The following PKD1L3 variants were observed in gnomAD, a reference collection of about 807,000 sequenced individuals.
PKD1L3 encodes polycystin-1-like protein 3.
Under a neutral mutation model 184.1 loss-of-function variants are expected in PKD1L3, and 239 were observed. The observed-to-expected ratio is 1.30, with a 90% CI of 1.17 to 1.45. The LOEUF (loss-of-function observed/expected upper bound fraction) is 1.45. Ranked by LOEUF, PKD1L3 falls within the 40% of genes most tolerant of loss-of-function variation. PKD1L3 has a pLI of 0.00. For synonymous variants in PKD1L3, 996 were observed against 778.8 expected (o/e 1.28, Z -4.64); for missense variants, 2,660 against 2,067.2 (o/e 1.29, Z -5.56).
intron 2 of PKD1L3, among the ~76,000 whole-genome samples, chr16:71,998,053 A>T (rs1013320644): frequency 1.3e-5 from 2 of 152,232 alleles, no homozygotes; most frequent in African/African-American, 4.8e-5. Context: ...CGAGGAGGAC[A>T]TCAAGGCACA....
intron 16 of PKD1L3, among the ~76,000 whole-genome samples, chr16:71,958,386 C>CAA (rs35815882): frequency 0.017 from 1,790 of 105,410 alleles, 45 homozygotes; most frequent in African/African-American, 0.055. Context: ...GACTCCGTCT[C>CAA]AAAAAAAAAA....
intron 7 of PKD1L3, among the ~76,000 whole-genome samples, chr16:71,981,833 G>A (rs914796437): frequency 9.9e-5 from 15 of 152,016 alleles, no homozygotes; most frequent in African/African-American, 3.6e-4. Flanking sequence ...GAGCCACCGG[G>A]TCCAGCCCCT....
chr16:71,954,533 G>T (rs1480994655), intron 16 of PKD1L3, among the ~76,000 whole-genome samples: 1 of 152,150 alleles, frequency 6.6e-6, no homozygotes. Context: ...AAAGGTTGTT[G>T]AGGATAATTT....
At chr16:71,983,938 C>A in intron 6 of PKD1L3, 98 bp downstream of exon 6, 1 of 1,446,830 alleles carries the variant, frequency 6.9e-7, no homozygotes, top group Non-Finnish European at 9.3e-7. Context: ...GCTGGGATTA[C>A]AGGCGTGAGC....
chr16:71,936,216 T>A (rs549612751), intron 25 of PKD1L3, among the ~76,000 whole-genome samples: 1 of 151,514 alleles, frequency 6.6e-6, no homozygotes, highest in South Asian at 2.1e-4. Flanking sequence ...TTTCTTTTTT[T>A]TTTTTTGAGA....
chr16:71,998,728 G>A (rs1276259578), intron 1 of PKD1L3, among the ~76,000 whole-genome samples: 1 of 152,186 alleles, frequency 6.6e-6, no homozygotes, highest in Admixed American at 6.5e-5. Flanking sequence ...TAGGATTACA[G>A]GCGTGAGCCA....
intron 16 of PKD1L3, among the ~76,000 whole-genome samples, chr16:71,962,877 AG>A (rs1431027111): frequency 6.6e-6 from 1 of 152,158 alleles, no homozygotes; most frequent in African/African-American, 2.4e-5. Flanking sequence ...GTATCATCGA[AG>A]TAGTGGTATC....
chr16:71,939,811 T>C (rs1046241935), intron 24 of PKD1L3, among the ~76,000 whole-genome samples: 7 of 152,156 alleles, frequency 4.6e-5, no homozygotes, highest in Non-Finnish European at 8.8e-5. Flanking sequence ...GGGAACTGAA[T>C]GGACCAGTTT....
At chr16:71,930,975 T>A (rs978316648) in intron 28 of PKD1L3, 1 of 152,228 alleles carries the variant, frequency 6.6e-6, no homozygotes, top group Non-Finnish European at 1.5e-5. Flanking sequence ...AAATGATTAT[T>A]ATAACAATTT....
chr16:71,995,388 A>G (rs573498488), intron 2 of PKD1L3, among the ~76,000 whole-genome samples: 1 of 152,310 alleles, frequency 6.6e-6, no homozygotes, highest in South Asian at 2.1e-4. Flanking sequence ...GCCAAACTAT[A>G]AAACCAGGTA....
At chr16:71,977,603 G>A (rs1400820198) in intron 10 of PKD1L3, 136 bp from the exon 11 acceptor site, 1 of 661,124 alleles carries the variant, frequency 1.5e-6, no homozygotes, top group Non-Finnish European at 2.5e-6. Context: ...TGCTATGTTG[G>A]CCACGTTGGT....
chr16:71,951,747 G>A lies in PKD1L3; in HGVS notation c.3010-3C>T. 6.5e-7 allele frequency: 1 copy of A among 1,549,100 alleles called. No individual in the cohort carries two copies. The highest frequency in any genetic ancestry group is 8.7e-7 in the Non-Finnish European group (1 of 1,145,838). ...AATCTCACAGTTTCCTTTAATTCCT[G>A]AATGTAGGACCAGATGAGAAAAATC... On this transcript the variant is annotated splice_polypyrimidine_tract_variant and splice_region_variant and intron_variant, in intron 18 of 29. Coordinates refer to ENST00000620267, the MANE Select transcript of PKD1L3 (RefSeq NM_181536.2).
At chr16:71,968,927 T>A (rs943548261) in intron 13 of PKD1L3, among the ~76,000 whole-genome samples, 4 of 146,948 alleles carry the variant, frequency 2.7e-5, no homozygotes, top group Admixed American at 6.9e-5. Flanking sequence ...GATTTACATA[T>A]AACTTTTTTT....
intron 1 of PKD1L3, among the ~76,000 whole-genome samples, chr16:71,999,446 A>G (rs16973590): frequency 0.042 from 6,358 of 152,194 alleles, 417 homozygotes; most frequent in African/African-American, 0.15. Context: ...CTTTTAGTGA[A>G]AGGTCAGGTA....
Position 71,950,311 on chromosome 16 carries a change from C to A in PKD1L3, c.3191-1G>T. The stretch of plus-strand genomic sequence containing the variant: ...AAATGATGGTGGTTTTCAGGAACAA[C>A]TGAAAATATATTTCAAGTTGACACT... On this transcript the variant is annotated splice_acceptor_variant, in intron 19 of 29. Transcript: ENST00000620267. LOFTEE classifies it high-confidence loss of function. 3 of 1,513,932 alleles carry A rather than the reference C, an allele frequency of 2.0e-6. No homozygotes were observed. The highest frequency in any genetic ancestry group is 2.3e-5 in the Admixed American group (1 of 44,010). 93.8% of individuals were successfully genotyped at this position (1,513,932 alleles called of 1,614,324 possible). A position where few individuals can be genotyped will look rare whatever the true frequency, so the allele number is the denominator to read the frequency against.
intron 16 of PKD1L3, among the ~76,000 whole-genome samples, chr16:71,957,697 T>C (rs891548712): frequency 1.3e-5 from 2 of 152,096 alleles, no homozygotes. Context: ...CTCGGGAGGC[T>C]AAGGCAGGAC....
At chr16:71,958,447 C>T (rs904747666) in intron 16 of PKD1L3, among the ~76,000 whole-genome samples, 1 of 150,320 alleles carries the variant, frequency 6.7e-6, no homozygotes, top group Non-Finnish European at 1.5e-5. Flanking sequence ...AAAAGAGCTA[C>T]TTCAACAAGG....
Position 71,949,482 on chromosome 16 carries a change from G to C in PKD1L3, c.3618+301C>G, listed in dbSNP as rs114450795. 4.4e-3 allele frequency among the ~76,000 whole-genome samples: 669 copies of C among 151,772 alleles called. 8 individuals are homozygous for C. Among genetic ancestry groups the C allele is most frequent in the African/African-American group, 0.015 (630 of 41,342 alleles). ...TCCTCCCACCTTAGACTCCTAAGTA[G>C]CTGGAACTATAGGAGCACACCACCA... On this transcript the variant is annotated intron_variant, in intron 21 of 29. Transcript: ENST00000620267.
intron 25 of PKD1L3, among the ~76,000 whole-genome samples, chr16:71,935,982 G>T (rs2038161760): frequency 6.6e-6 from 1 of 151,780 alleles, no homozygotes; most frequent in African/African-American, 2.4e-5. Context: ...TTTTTGTAGA[G>T]ACAGGGTTTT....
Sources: allele counts gnomAD v4.1 joint callset (sites outside exome capture counted in the v4.1 genomes callset), GRCh38; gene constraint gnomAD v4.1.1; transcripts MANE v1.5; gene names NCBI Gene and HGNC (gene_info 2026-07-23, HGNC 2026-07-21).